Variants in SNX9 observed in about 807,000 individuals in gnomAD.
SNX9 encodes the protein sorting nexin 9, also known as sorting nexin-9.
In SNX9, 44 loss-of-function variants were observed where a neutral mutation model predicts 89.4. The observed-to-expected ratio is 0.49, with a 90% CI of 0.39 to 0.63. SNX9 has a LOEUF of 0.63. Ranked by LOEUF, SNX9 falls within the 30% of genes least tolerant of loss-of-function variation. The pLI is 0.00. For synonymous variants in SNX9, 236 were observed against 247.8 expected, an observed-to-expected ratio of 0.95 and a Z score of 0.45; for missense variants, 578 against 736.1, an observed-to-expected ratio of 0.79 and a Z score of 2.49.
chr6:157,830,310 G>A (rs1478528785), intron 1 of SNX9: 3 of 152,074 alleles, frequency 2.0e-5, no homozygotes, highest in Non-Finnish European at 4.4e-5. Flanking sequence ...AATTACCCTG[G>A]TCTTGAAAGA....
chr6:157,928,542 C>T, intron 11 of SNX9, 57 bp from the exon 12 acceptor site: 1 of 1,376,588 alleles, frequency 7.3e-7, no homozygotes, highest in Non-Finnish European at 1.0e-6. Flanking sequence ...GCCCGAGTAT[C>T]CCCACAGCAG....
chr6:157,912,709 T>C (rs1171835264), intron 9 of SNX9, among the ~76,000 whole-genome samples: 1 of 152,206 alleles, frequency 6.6e-6, no homozygotes, highest in Non-Finnish European at 1.5e-5. Flanking sequence ...GACTCGATAA[T>C]TCATGAAAAA....
chr6:157,904,688 G>A (rs964727631), intron 6 of SNX9, among the ~76,000 whole-genome samples: 4 of 152,066 alleles, frequency 2.6e-5, no homozygotes, highest in Non-Finnish European at 5.9e-5. Flanking sequence ...CCAGCCTGGC[G>A]ACAGAGTGAG....
chr6:157,869,824 A>G (rs1782353071), intron 2 of SNX9, among the ~76,000 whole-genome samples: 1 of 151,460 alleles, frequency 6.6e-6, no homozygotes, highest in Admixed American at 6.6e-5. Flanking sequence ...ACGTACTCTC[A>G]CGCACTCTCT....
At chr6:157,855,303 A>G (rs945351005) in intron 1 of SNX9, among the ~76,000 whole-genome samples, 1 of 152,184 alleles carries the variant, frequency 6.6e-6, no homozygotes, top group African/African-American at 2.4e-5. Context: ...CCTGCCTTTT[A>G]GGTTGTGTTT....
At chr6:157,824,757 C>T (rs913838317) in intron 1 of SNX9, among the ~76,000 whole-genome samples, 2 of 152,104 alleles carry the variant, frequency 1.3e-5, no homozygotes, top group Non-Finnish European at 2.9e-5. Flanking sequence ...TATATTATTG[C>T]CTGTGCTGTG....
intron 1 of SNX9, among the ~76,000 whole-genome samples, chr6:157,836,216 C>G (rs1343695542): frequency 1.3e-5 from 2 of 152,150 alleles, no homozygotes; most frequent in Non-Finnish European, 2.9e-5. Context: ...TCCCAAAGTG[C>G]TGGGATTATA....
intron 6 of SNX9, among the ~76,000 whole-genome samples, chr6:157,903,037 C>G (rs1783139129): frequency 6.6e-6 from 1 of 152,114 alleles, no homozygotes; most frequent in Non-Finnish European, 1.5e-5. Flanking sequence ...GCACCAGTGA[C>G]CACTGTAGGA....
intron 1 of SNX9, among the ~76,000 whole-genome samples, chr6:157,843,674 A>G (rs1781745209): frequency 6.6e-6 from 1 of 152,154 alleles, no homozygotes; most frequent in Admixed American, 6.5e-5. Context: ...TTACTCACCA[A>G]TCCTTTGATA....
intron 4 of SNX9, among the ~76,000 whole-genome samples, chr6:157,881,349 C>T (rs1562603690): frequency 6.6e-6 from 1 of 152,104 alleles, no homozygotes; most frequent in Non-Finnish European, 1.5e-5. Context: ...CAGCCATACC[C>T]TCGTCTTTCT....
intron 4 of SNX9, among the ~76,000 whole-genome samples, chr6:157,890,081 T>C (rs1034315026): frequency 2.0e-5 from 3 of 152,240 alleles, no homozygotes; most frequent in African/African-American, 7.2e-5. Context: ...TCTTAACCAC[T>C]ATCCCCATGT....
chr6:157,873,245 T>A (rs986316102), intron 3 of SNX9, 69 bp downstream of exon 3: 3 of 1,312,366 alleles, frequency 2.3e-6, no homozygotes, highest in African/African-American at 3.0e-5. Flanking sequence ...AATTATCAAC[T>A]TACAAGAAGT....
chr6:157,869,853 A>C (rs1276676838), intron 2 of SNX9, among the ~76,000 whole-genome samples: 2 of 143,070 alleles, frequency 1.4e-5, no homozygotes, highest in Non-Finnish European at 1.5e-5. Flanking sequence ...GCATACCCCC[A>C]CACACACTCG....
chr6:157,853,765 G>A (rs890638497), intron 1 of SNX9, among the ~76,000 whole-genome samples: 2 of 150,784 alleles, frequency 1.3e-5, no homozygotes, highest in African/African-American at 4.9e-5. Flanking sequence ...ACAATTTTTA[G>A]TACATGCAAA....
intron 4 of SNX9, 100 bp from the exon 5 acceptor site, chr6:157,896,727 T>C: frequency 7.8e-7 from 1 of 1,284,884 alleles, no homozygotes; most frequent in South Asian, 1.3e-5. Context: ...TAATTGTTTT[T>C]AGTACTCCTG....
At chr6:157,918,312 T>C (rs1390867805) in intron 9 of SNX9, among the ~76,000 whole-genome samples, 1 of 152,184 alleles carries the variant, frequency 6.6e-6, no homozygotes, top group Non-Finnish European at 1.5e-5. Context: ...GTTTGTAATT[T>C]TAATATCTTC....
chr6:157,841,747 G>T (rs983567256), intron 1 of SNX9, among the ~76,000 whole-genome samples: 4 of 152,158 alleles, frequency 2.6e-5, no homozygotes, highest in African/African-American at 7.2e-5. Context: ...CTACGACAAG[G>T]TCCCACTTAT....
At chr6:157,878,358 G>C (rs1329817303) in intron 4 of SNX9, among the ~76,000 whole-genome samples, 1 of 152,060 alleles carries the variant, frequency 6.6e-6, no homozygotes, top group Non-Finnish European at 1.5e-5. Flanking sequence ...AAATTATAAA[G>C]CTGTTTATTA....
intron 7 of SNX9, among the ~76,000 whole-genome samples, chr6:157,908,959 G>A (rs1783277942): frequency 6.6e-6 from 1 of 152,232 alleles, no homozygotes; most frequent in African/African-American, 2.4e-5. Context: ...CCCGGGGGTT[G>A]GAAGTGAGCC....
Sources: gnomAD v4.1 joint callset for allele counts (sites outside exome capture counted in the v4.1 genomes callset) on GRCh38, gnomAD v4.1.1 for gene constraint, MANE v1.5 for transcripts, NCBI Gene and HGNC (gene_info 2026-07-23, HGNC 2026-07-21) for gene names.